Variants in RNF130 observed in about 807,000 individuals in gnomAD.
RNF130 encodes E3 ubiquitin-protein ligase RNF130.
Under a neutral mutation model 44.6 loss-of-function variants are expected in RNF130, and 21 were observed. The observed-to-expected ratio is 0.47, with a 90% CI of 0.33 to 0.68. The LOEUF is 0.68. Among genes scored for constraint, RNF130 ranks in the 30% least tolerant of loss-of-function variants. The pLI is 0.02. For synonymous variants in RNF130, 214 were observed against 210.4 expected, an observed-to-expected ratio of 1.02 and a Z score of -0.15; for missense variants, 479 against 560.6, an observed-to-expected ratio of 0.85 and a Z score of 1.47.
At chr5:180,028,053 T>G (rs750108893) in intron 2 of RNF130, among the ~76,000 whole-genome samples, 1 of 152,232 alleles carries the variant, frequency 6.6e-6, no homozygotes, top group African/African-American at 2.4e-5. Flanking sequence ...CTATCCACCA[T>G]GTTGAGCTGT....
intron 7 of RNF130, among the ~76,000 whole-genome samples, chr5:179,928,519 C>A (rs1232110172): frequency 6.6e-6 from 1 of 152,150 alleles, no homozygotes; most frequent in Non-Finnish European, 1.5e-5. Context: ...TTCTTTTGCT[C>A]ATTTTCCCAT....
chr5:180,055,223 T>A (rs2051596846), intron 1 of RNF130, among the ~76,000 whole-genome samples: 1 of 114,782 alleles, frequency 8.7e-6, no homozygotes, highest in South Asian at 3.0e-4. Context: ...TACTCCAGCC[T>A]GGGCAACAGA....
At chr5:180,020,281 T>TGA (rs1163974602) in intron 2 of RNF130, among the ~76,000 whole-genome samples, 1 of 152,128 alleles carries the variant, frequency 6.6e-6, no homozygotes, top group Non-Finnish European at 1.5e-5. Context: ...GCAGGACCGC[T>TGA]GATGAACGGG....
chr5:179,948,054 G>A (rs1482600387), intron 7 of RNF130, among the ~76,000 whole-genome samples: 1 of 152,184 alleles, frequency 6.6e-6, no homozygotes, highest in Non-Finnish European at 1.5e-5. Context: ...AGGGTATAAA[G>A]TAGTTGGGAG....
chr5:180,040,167 A>G (rs1764372542), intron 2 of RNF130, among the ~76,000 whole-genome samples: 1 of 152,238 alleles, frequency 6.6e-6, no homozygotes, highest in South Asian at 2.1e-4. Context: ...AATCAAATAC[A>G]TTATTTGTCA....
intron 7 of RNF130, among the ~76,000 whole-genome samples, chr5:179,920,638 G>A (rs527344182): frequency 6.6e-6 from 1 of 152,220 alleles, no homozygotes; most frequent in African/African-American, 2.4e-5. Context: ...GGATCCCCAA[G>A]AGACTAACCA....
At chr5:179,981,646 C>T (rs749280695) in intron 3 of RNF130, among the ~76,000 whole-genome samples, 4 of 152,178 alleles carry the variant, frequency 2.6e-5, no homozygotes, top group Admixed American at 6.5e-5. Context: ...CTAATAGACA[C>T]GGGCTTTTGT....
At chr5:180,042,531 A>G (rs182261503) in intron 1 of RNF130, among the ~76,000 whole-genome samples, 5 of 152,312 alleles carry the variant, frequency 3.3e-5, no homozygotes, top group Admixed American at 3.3e-4. Context: ...CCTGAAACAG[A>G]TTGTTTACTT....
intron 2 of RNF130, among the ~76,000 whole-genome samples, chr5:180,017,662 G>A (rs1247646377): frequency 7.2e-5 from 11 of 151,774 alleles, no homozygotes; most frequent in African/African-American, 1.9e-4. Flanking sequence ...GCAGTTTTTC[G>A]GAAAAGAGCC....
intron 1 of RNF130, among the ~76,000 whole-genome samples, chr5:180,061,856 C>T (rs1561713091): frequency 6.6e-6 from 1 of 152,132 alleles, no homozygotes; most frequent in Admixed American, 6.5e-5. Flanking sequence ...TCCTTTCGGG[C>T]TGCTGTAACA....
At chr5:180,016,258 A>G (rs1358380010) in intron 2 of RNF130, among the ~76,000 whole-genome samples, 2 of 152,290 alleles carry the variant, frequency 1.3e-5, no homozygotes, top group African/African-American at 4.8e-5. Flanking sequence ...CTCCACCCCT[A>G]AAGCCTGATA....
At chr5:179,983,124 T>C (rs1052449320) in intron 3 of RNF130, among the ~76,000 whole-genome samples, 1 of 152,206 alleles carries the variant, frequency 6.6e-6, no homozygotes, top group Non-Finnish European at 1.5e-5. Context: ...TTGCATGTAT[T>C]TCCCCTCACT....
At chr5:180,060,031 G>T (rs1022771193) in intron 1 of RNF130, among the ~76,000 whole-genome samples, 1 of 152,200 alleles carries the variant, frequency 6.6e-6, no homozygotes, top group Non-Finnish European at 1.5e-5. Context: ...GGTGACAGAC[G>T]GAGAAAGTCA....
At chr5:180,071,355 GCGC>G in intron 1 of RNF130, 98 bp downstream of exon 1, 1 of 1,132,128 alleles carries the variant, frequency 8.8e-7, no homozygotes, top group Non-Finnish European at 1.1e-6. Context: ...CGGCCGGGCA[GCGC>G]GGGAGAGCCA....
At chr5:179,923,653 T>C (rs1761664484) in intron 7 of RNF130, among the ~76,000 whole-genome samples, 1 of 152,200 alleles carries the variant, frequency 6.6e-6, no homozygotes, top group African/African-American at 2.4e-5. Flanking sequence ...CAGCTGGTTC[T>C]GTACCTCACT....
intron 2 of RNF130, among the ~76,000 whole-genome samples, chr5:180,022,477 T>C (rs906529849): frequency 1.3e-5 from 2 of 152,334 alleles, no homozygotes; most frequent in Middle Eastern, 3.4e-3. Context: ...GTGTCTTCAC[T>C]TACGTAAATG....
At chr5:179,951,423 G>A (rs111297502), downstream of RNF130, among the ~76,000 whole-genome samples, 2,541 of 149,370 alleles carry the variant, frequency 0.017, 71 homozygotes, top group African/African-American at 0.059. Context: ...TCGCTTTGTC[G>A]CCCAGGCTGG....
At position 179,969,727 on chromosome 5, in the gene RNF130, C is replaced by T. The variant is rs566155368; in HGVS notation, c.945+683G>A. Among the ~76,000 whole-genome samples the T allele has an allele frequency of 1.2e-4, 19 of 152,268 alleles. No individual in the cohort carries two copies. The South Asian group carries it at 2.7e-3, about 22-fold the overall frequency. ...AAAAGTGGCCAGGCACGGTGGCTCA[C>T]GCCTGTAACCCCAGCACTTTGGGAG... is the stretch of plus-strand genomic sequence containing the variant. On this transcript the variant is annotated intron_variant, in intron 6 of 8. Coordinates refer to ENST00000521389, the MANE Select transcript of RNF130 (RefSeq NM_018434.6).
At chr5:179,980,377 G>A (rs769403799) in intron 3 of RNF130, 177 bp from the exon 4 acceptor site, 1 of 576,020 alleles carries the variant, frequency 1.7e-6, no homozygotes, top group South Asian at 2.2e-5. Flanking sequence ...CAGCATTCTG[G>A]TTGAAAAGTA....
Sources: gnomAD v4.1 joint callset for allele counts (sites outside exome capture counted in the v4.1 genomes callset) on GRCh38, gnomAD v4.1.1 for gene constraint, MANE v1.5 for transcripts, NCBI Gene and HGNC (gene_info 2026-07-23, HGNC 2026-07-21) for gene names.